The following CCDC33 variants were observed in gnomAD, a reference collection of about 807,000 sequenced individuals.
The protein encoded by CCDC33 is coiled-coil domain containing 33.
A neutral mutation model predicts 91.9 loss-of-function variants in CCDC33; 94 were observed. The ratio of observed to expected loss-of-function variants is 1.02; its 90% CI spans 0.87 to 1.21. The LOEUF is 1.21. Ranked by LOEUF, CCDC33 falls within the 50% of genes most tolerant of loss-of-function variation. The probability of loss-of-function intolerance (pLI) is 0.00; values close to 1 mark genes in which losing one functional copy is unlikely to be tolerated. For missense variants in CCDC33, 940 were observed against 935.5 expected, an observed-to-expected ratio of 1.00 and a Z score of -0.06; for synonymous variants, 396 against 374.5, an observed-to-expected ratio of 1.06 and a Z score of -0.66.
At chr15:74,300,861 A>C (rs2142657148) in intron 11 of CCDC33, 1 of 152,456 alleles carries the variant, frequency 6.6e-6, no homozygotes, top group East Asian at 1.9e-4. Context: ...CCTCATTCCC[A>C]GACTGCAACC....
intron 11 of CCDC33, chr15:74,301,111 G>A (rs2059787092): frequency 6.6e-6 from 1 of 152,194 alleles, no homozygotes; most frequent in African/African-American, 2.4e-5. Context: ...GAAGAGTGAG[G>A]TGTTAAGGTT....
At chr15:74,223,721 C>CGT (rs1476004274) in intron 2 of CCDC33, among the ~76,000 whole-genome samples, 1 of 83,046 alleles carries the variant, frequency 1.2e-5, no homozygotes, top group Non-Finnish European at 2.3e-5. Context: ...CCACCGCCAG[C>CGT]ATACACACAC....
chr15:74,334,855 C>T, intron 17 of CCDC33, 120 bp from the exon 18 acceptor site: 1 of 858,592 alleles, frequency 1.2e-6, no homozygotes, highest in South Asian at 1.5e-5. Context: ...GGTGTCAAGC[C>T]CACATGGCCC....
chr15:74,260,770 G>C (rs2076002510), intron 2 of CCDC33, among the ~76,000 whole-genome samples: 1 of 152,312 alleles, frequency 6.6e-6, no homozygotes, highest in South Asian at 2.1e-4. Flanking sequence ...GGGCATGATG[G>C]GGAAAAATCA....
chr15:74,299,877 C>G (rs190521706), intron 11 of CCDC33: 1 of 152,504 alleles, frequency 6.6e-6, no homozygotes, highest in Admixed American at 6.5e-5. Flanking sequence ...CACCTTCTCG[C>G]TCTCACTCTC....
At chr15:74,211,147 G>A (rs1046418945) in intron 2 of CCDC33, among the ~76,000 whole-genome samples, 9 of 41,894 alleles carry the variant, frequency 2.1e-4, no homozygotes, top group Non-Finnish European at 3.4e-4. Flanking sequence ...CACTACGCAC[G>A]CACACGCACA....
chr15:74,331,905 C>T (rs2060447252), intron 15 of CCDC33, among the ~76,000 whole-genome samples: 1 of 152,122 alleles, frequency 6.6e-6, no homozygotes, highest in Non-Finnish European at 1.5e-5. Context: ...TGGCGGGCAC[C>T]TATAATCCCA....
intron 8 of CCDC33, 125 bp downstream of exon 8, chr15:74,280,217 C>A: frequency 8.5e-7 from 1 of 1,172,948 alleles, no homozygotes; most frequent in Non-Finnish European, 1.2e-6. Flanking sequence ...GTCCAGGCGG[C>A]TTCCTAATGC....
At chr15:74,313,295 C>T (rs1288613237) in intron 11 of CCDC33, among the ~76,000 whole-genome samples, 1 of 152,128 alleles carries the variant, frequency 6.6e-6, no homozygotes, top group African/African-American at 2.4e-5. Flanking sequence ...TTGGCTCTCT[C>T]CCCATCCCGA....
At chr15:74,240,094 G>A (rs2075299170) in intron 1 of CCDC33, among the ~76,000 whole-genome samples, 2 of 152,248 alleles carry the variant, frequency 1.3e-5, no homozygotes, top group South Asian at 2.1e-4. Context: ...CTGGCCCTGG[G>A]CCCAGCCTGC....
chr15:74,250,145 C>A (rs1595941962), intron 2 of CCDC33, among the ~76,000 whole-genome samples: 1 of 152,166 alleles, frequency 6.6e-6, no homozygotes. Context: ...TTCTCTCCAC[C>A]AGCTCCACCA....
chr15:74,203,132 A>T lies in CCDC33; in HGVS notation n.89+34A>T, dbSNP rs1201767860. ...GACCGCTGGGGCTGGGCTGGGGCGGAGGCAGGGAAGGGGAATCTGTCCGTT... is the reference window on the plus strand; with the variant it reads ...GACCGCTGGGGCTGGGCTGGGGCGGTGGCAGGGAAGGGGAATCTGTCCGTT... On this transcript the variant is annotated intron_variant and non_coding_transcript_variant, in intron 1 of 3. Coordinates refer to the CCDC33 transcript ENST00000558645. 12 of 985,448 alleles carry T rather than the reference A, an allele frequency of 1.2e-5. No homozygotes were observed. The Admixed American group carries it at 7.4e-4, about 61-fold the overall frequency. 61.0% of individuals were successfully genotyped at this position (985,448 alleles called of 1,614,324 possible).
At chr15:74,264,196 G>A (rs2076103484) in intron 3 of CCDC33, among the ~76,000 whole-genome samples, 1 of 151,888 alleles carries the variant, frequency 6.6e-6, no homozygotes, top group Non-Finnish European at 1.5e-5. Context: ...TGATGTCTGC[G>A]GTGGGGGTGG....
Position 74,281,763 on chromosome 15 carries a change from C to A in CCDC33, c.1024-15C>A. On this transcript the variant is annotated splice_polypyrimidine_tract_variant and intron_variant, in intron 9 of 18. Transcript: ENST00000398814. The stretch of plus-strand genomic sequence containing the variant: ...CCTGGCCAGCATGGTCTGAGTGCTC[C>A]CTTTTCCTCCCCAGGACACCAGCCT... The A allele has an allele frequency of 1.2e-6, 2 of 1,612,392 alleles. No individual in the cohort carries two copies. Among genetic ancestry groups the A allele is most frequent in the South Asian group, 2.2e-5 (2 of 90,918 alleles).
chr15:74,243,694 T>C (rs1320761600), intron 1 of CCDC33: 1 of 482,202 alleles, frequency 2.1e-6, no homozygotes, highest in East Asian at 5.9e-5. Context: ...CAGTAACTCA[T>C]GCCTATAATC....
intron 11 of CCDC33, among the ~76,000 whole-genome samples, chr15:74,321,823 G>A (rs528431995): frequency 9.2e-5 from 14 of 152,354 alleles, no homozygotes; most frequent in African/African-American, 2.9e-4. Context: ...AGCAGGGTCT[G>A]GGTCAAAGGA....
intron 5 of CCDC33, 92 bp from the exon 6 acceptor site, chr15:74,271,611 G>A (rs1022705262): frequency 5.7e-6 from 5 of 881,018 alleles, no homozygotes; most frequent in Admixed American, 1.9e-5. Flanking sequence ...GCTCACGGAT[G>A]GGGAAAAAGA....
intron 7 of CCDC33, among the ~76,000 whole-genome samples, chr15:74,275,907 G>A (rs535116852): frequency 1.3e-5 from 2 of 152,192 alleles, no homozygotes; most frequent in Non-Finnish European, 2.9e-5. Flanking sequence ...GACCTCTGGC[G>A]ATACGCCCAC....
intron 11 of CCDC33, among the ~76,000 whole-genome samples, chr15:74,309,648 T>C (rs2059955393): frequency 6.6e-6 from 1 of 152,174 alleles, no homozygotes; most frequent in Non-Finnish European, 1.5e-5. Flanking sequence ...GAGTACAGTG[T>C]AGGAGAGTGC....
Sources: allele counts gnomAD v4.1 joint callset (sites outside exome capture counted in the v4.1 genomes callset), GRCh38; gene constraint gnomAD v4.1.1; transcripts MANE v1.5; gene names NCBI Gene and HGNC (gene_info 2026-07-23, HGNC 2026-07-21).